LRP1B: variants seen among roughly 807,000 people sequenced by gnomAD.
LRP1B encodes low-density lipoprotein receptor-related protein 1B.
Under a neutral mutation model 556.6 loss-of-function variants are expected in LRP1B, and 217 were observed. That is an observed-to-expected ratio of 0.39 (90% CI 0.35 to 0.44). The LOEUF is 0.44. Ranked by LOEUF, LRP1B falls within the 20% of genes least tolerant of loss-of-function variation. The pLI is 1.00. For missense variants in LRP1B, 5,053 were observed against 5,620.8 expected, an observed-to-expected ratio of 0.90 and a Z score of 3.23; for synonymous variants, 2,047 against 1,865.8, an observed-to-expected ratio of 1.10 and a Z score of -2.50.
At chr2:140,911,552 C>A (rs188851059) in intron 21 of LRP1B, among the ~76,000 whole-genome samples, 2 of 151,806 alleles carry the variant, frequency 1.3e-5, no homozygotes, top group South Asian at 2.1e-4. Flanking sequence ...TGTGCCTTAC[C>A]CTTTCCTAAG....
chr2:141,464,641 C>A (rs993167988), intron 3 of LRP1B, among the ~76,000 whole-genome samples: 1 of 127,010 alleles, frequency 7.9e-6, no homozygotes, highest in Non-Finnish European at 1.6e-5. Flanking sequence ...ACCGTGTTAG[C>A]CAGGATGGTC....
At chr2:141,222,653 T>A (rs1683092847) in intron 6 of LRP1B, among the ~76,000 whole-genome samples, 1 of 152,036 alleles carries the variant, frequency 6.6e-6, no homozygotes, top group African/African-American at 2.4e-5. Context: ...GCAAACCAAA[T>A]CCAGCAGCAC....
chr2:141,822,368 A>T (rs1374817810), intron 1 of LRP1B, among the ~76,000 whole-genome samples: 1 of 152,224 alleles, frequency 6.6e-6, no homozygotes, highest in Non-Finnish European at 1.5e-5. Flanking sequence ...ATGAATCAGC[A>T]AAAGTTATTT....
intron 41 of LRP1B, among the ~76,000 whole-genome samples, chr2:140,675,019 A>G (rs1047708415): frequency 3.9e-5 from 6 of 152,174 alleles, no homozygotes; most frequent in Non-Finnish European, 7.3e-5. Flanking sequence ...CAGCTTCTAG[A>G]GGCTGATGGT....
intron 2 of LRP1B, among the ~76,000 whole-genome samples, chr2:141,760,713 C>T (rs1001373344): frequency 5.3e-5 from 8 of 152,086 alleles, no homozygotes; most frequent in East Asian, 3.9e-4. Flanking sequence ...AAGAACACTA[C>T]GTGATGGATT....
intron 1 of LRP1B, among the ~76,000 whole-genome samples, chr2:142,090,986 A>G (rs979375303): frequency 6.6e-6 from 1 of 152,124 alleles, no homozygotes; most frequent in Non-Finnish European, 1.5e-5. Context: ...ATAACTTTGT[A>G]CAGAAGGCCA....
At chr2:141,115,638 T>C (rs12691591) in intron 7 of LRP1B, among the ~76,000 whole-genome samples, 147 of 66,936 alleles carry the variant, frequency 2.2e-3, no homozygotes, top group South Asian at 6.0e-3. Context: ...TGTGTGTGTG[T>C]GTGTGTGTGT....
At chr2:141,629,249 G>T (rs970130) in intron 2 of LRP1B, among the ~76,000 whole-genome samples, 11,993 of 152,208 alleles carry the variant, frequency 0.079, 718 homozygotes, top group South Asian at 0.15. Context: ...GAAAAAGAAA[G>T]GAGGGGTACA....
intron 2 of LRP1B, among the ~76,000 whole-genome samples, chr2:141,702,902 C>T (rs1475028317): frequency 6.6e-6 from 1 of 151,836 alleles, no homozygotes; most frequent in Non-Finnish European, 1.5e-5. Context: ...GTGCTAATTG[C>T]TCCCATTTCT....
chr2:141,009,761 T>A (rs1697687725), intron 14 of LRP1B, among the ~76,000 whole-genome samples: 1 of 152,122 alleles, frequency 6.6e-6, no homozygotes, highest in South Asian at 2.1e-4. Flanking sequence ...TATATTTGAA[T>A]GCAAAATTTA....
At chr2:141,542,774 CT>C (rs1191525739) in intron 2 of LRP1B, among the ~76,000 whole-genome samples, 11 of 152,050 alleles carry the variant, frequency 7.2e-5, no homozygotes, top group Admixed American at 7.2e-4. Flanking sequence ...TGTGGATGAC[CT>C]TTTTTTCTAT....
intron 6 of LRP1B, among the ~76,000 whole-genome samples, chr2:141,191,068 T>C (rs1245760472): frequency 6.6e-6 from 1 of 152,048 alleles, no homozygotes; most frequent in South Asian, 2.1e-4. Context: ...GAACAGGTGA[T>C]GCTAAATGCC....
chr2:141,580,984 A>G (rs897983784), intron 2 of LRP1B, among the ~76,000 whole-genome samples: 3 of 152,230 alleles, frequency 2.0e-5, no homozygotes, highest in Admixed American at 6.5e-5. Flanking sequence ...CTGCTTAAAT[A>G]CTTAACACCT....
intron 84 of LRP1B, among the ~76,000 whole-genome samples, chr2:140,282,052 C>T (rs1282218975): frequency 6.6e-6 from 1 of 151,746 alleles, no homozygotes; most frequent in Non-Finnish European, 1.5e-5. Context: ...AGTCCTTCCT[C>T]GGTCTAACAA....
At chr2:142,058,698 T>TG (rs1412652122) in intron 1 of LRP1B, among the ~76,000 whole-genome samples, 1 of 152,116 alleles carries the variant, frequency 6.6e-6, no homozygotes, top group Non-Finnish European at 1.5e-5. Flanking sequence ...TTCTCTCCAA[T>TG]GCTTGGCACA....
intron 7 of LRP1B, among the ~76,000 whole-genome samples, chr2:141,184,706 AAT>A (rs779880362): frequency 6.6e-6 from 1 of 150,712 alleles, no homozygotes; most frequent in East Asian, 2.0e-4. Flanking sequence ...TTCTCTTATC[AAT>A]ATGTCTTTTA....
At chr2:140,594,080 C>T (rs543716457) in intron 43 of LRP1B, among the ~76,000 whole-genome samples, 4 of 151,822 alleles carry the variant, frequency 2.6e-5, no homozygotes, top group African/African-American at 7.3e-5. Flanking sequence ...TGGGTTCAAG[C>T]GATTCTCCTG....
intron 86 of LRP1B, among the ~76,000 whole-genome samples, chr2:140,255,283 G>C (rs777039789): frequency 6.6e-6 from 1 of 152,074 alleles, no homozygotes; most frequent in East Asian, 1.9e-4. Flanking sequence ...AAAGTGAGAA[G>C]GTTTAAGCAG....
chr2:141,152,813 C>T (rs977695775), intron 7 of LRP1B, among the ~76,000 whole-genome samples: 3 of 151,546 alleles, frequency 2.0e-5, no homozygotes, highest in Non-Finnish European at 3.0e-5. Flanking sequence ...GGGCAAAGTA[C>T]ATTTTTACAT....
Sources: allele counts gnomAD v4.1 joint callset (sites outside exome capture counted in the v4.1 genomes callset), GRCh38; gene constraint gnomAD v4.1.1; transcripts MANE v1.5; gene names NCBI Gene and HGNC (gene_info 2026-07-23, HGNC 2026-07-21).